The following PAPPA2 variants were observed in gnomAD, a reference collection of about 807,000 sequenced individuals.
PAPPA2 encodes pappalysin 2.
A neutral mutation model predicts 176.4 loss-of-function variants in PAPPA2; 86 were observed. That is an observed-to-expected ratio of 0.49 (90% CI 0.41 to 0.58). The LOEUF (loss-of-function observed/expected upper bound fraction) is 0.58, where lower values mean the gene tolerates loss of function less well. Ranked by LOEUF, PAPPA2 falls within the 20% of genes least tolerant of loss-of-function variation. The pLI is 0.00. For missense variants in PAPPA2, 2,073 were observed against 2,256.9 expected (o/e 0.92, Z 1.65); for synonymous variants, 809 against 852.2 (o/e 0.95, Z 0.88).
At chr1:176,802,699 G>C (rs1217178561) in intron 21 of PAPPA2, among the ~76,000 whole-genome samples, 1 of 152,160 alleles carries the variant, frequency 6.6e-6, no homozygotes, top group Non-Finnish European at 1.5e-5. Flanking sequence ...CCTTGTAAGG[G>C]TGGAGTGCCT....
At position 176,765,704 on chromosome 1, in the gene PAPPA2, C is replaced by G. The variant is rs144502400; in HGVS notation, c.4190C>G (p.Pro1397Arg). The change falls in exon 15 of 23, where the codon CCG becomes CGG. Residue 1397 changes from proline to arginine, a missense_variant. Around this residue, in one of 4 missense-constraint regions of PAPPA2, gnomAD observed 846 missense variants for 857.9 expected, o/e 0.99. Transcript: ENST00000367662. ...CCCTGTGGGAAGCAGGACAGCTGTC[C>G]GTCATTGCTGCTTGATCATGCTGAT... ...HRPCGKQDSC[P>R]SLLLDHADVV... is the part of the protein sequence containing the mutation. 168 of 1,613,914 alleles carry G rather than the reference C, an allele frequency of 1.0e-4. No homozygotes were observed. The highest frequency in any genetic ancestry group is 1.1e-4 in the Non-Finnish European group (134 of 1,180,006).
intron 3 of PAPPA2, among the ~76,000 whole-genome samples, chr1:176,646,341 T>A (rs907244794): frequency 6.6e-6 from 1 of 151,384 alleles, no homozygotes; most frequent in Non-Finnish European, 1.5e-5. Flanking sequence ...AGGCATACAA[T>A]GCATAATAAT....
intron 14 of PAPPA2, among the ~76,000 whole-genome samples, chr1:176,763,666 C>G (rs1037364488): frequency 6.6e-6 from 1 of 152,096 alleles, no homozygotes; most frequent in Non-Finnish European, 1.5e-5. Flanking sequence ...TTAAGAGACA[C>G]TCAGATACTA....
chr1:176,528,404 G>A (rs1649610438), intron 1 of PAPPA2, among the ~76,000 whole-genome samples: 1 of 152,190 alleles, frequency 6.6e-6, no homozygotes, highest in African/African-American at 2.4e-5. Context: ...GCAATGTGAT[G>A]TTTCTTATAC....
intron 1 of PAPPA2, among the ~76,000 whole-genome samples, chr1:176,551,915 GAGGCAGAGATGC>G (rs1358902382): frequency 6.6e-6 from 1 of 152,168 alleles, no homozygotes; most frequent in Non-Finnish European, 1.5e-5. Context: ...GTGGAAGTTG[GAGGCAGAGATGC>G]AGGGAGGGAA....
At chr1:176,682,959 A>G (rs959713325) in intron 4 of PAPPA2, among the ~76,000 whole-genome samples, 2 of 151,908 alleles carry the variant, frequency 1.3e-5, no homozygotes, top group African/African-American at 4.8e-5. Context: ...ATTTTACAGA[A>G]CTGTTTTAGA....
At chr1:176,625,973 T>G (rs1430764636) in intron 3 of PAPPA2, among the ~76,000 whole-genome samples, 1 of 152,128 alleles carries the variant, frequency 6.6e-6, no homozygotes, top group Non-Finnish European at 1.5e-5. Context: ...CAGTCAGCTA[T>G]GACTGTGCCA....
At chr1:176,513,870 A>G (rs1219660283) in intron 1 of PAPPA2, among the ~76,000 whole-genome samples, 2 of 152,188 alleles carry the variant, frequency 1.3e-5, no homozygotes, top group Non-Finnish European at 2.9e-5. Flanking sequence ...AGTTAAAGGC[A>G]GACAGCTGAA....
At position 176,699,466 on chromosome 1, in the gene PAPPA2, C is replaced by T; in HGVS notation, c.3113C>T (p.Ser1038Phe). The part of the protein sequence containing the change: ...RIEIDAALLT[S>F]QPHSPLCSGC... ...GAGATTGATGCAGCACTCCTGACTT[C>T]TCAGCCCCACAGTCCCTTGTGCTCT... The change falls in exon 8 of 23, where the codon TCT (serine) becomes TTT (phenylalanine). Residue 1038 changes from serine (S) to phenylalanine (F), a missense_variant. This residue lies in a region of PAPPA2 where 1,196 missense variants were observed against 1,330.4 expected (regional missense o/e 0.90). Transcript: ENST00000367662. The T allele has an allele frequency of 6.2e-7, 1 of 1,614,108 alleles. No individual in the cohort carries two copies. The highest frequency in any genetic ancestry group is 1.1e-5 in the South Asian group (1 of 91,078).
At chr1:176,510,174 T>C (rs28578993) in intron 1 of PAPPA2, among the ~76,000 whole-genome samples, 12,058 of 152,042 alleles carry the variant, frequency 0.079, 590 homozygotes, top group South Asian at 0.15. Flanking sequence ...CAAAGACAAA[T>C]ATACTAAGAC....
intron 3 of PAPPA2, among the ~76,000 whole-genome samples, chr1:176,641,145 G>C (rs1384786656): frequency 2.0e-5 from 3 of 151,168 alleles, no homozygotes; most frequent in African/African-American, 4.9e-5. Context: ...TAGGTTGCCT[G>C]TTCACTCTGG....
At chr1:176,798,664 T>C (rs1048726146) in intron 20 of PAPPA2, among the ~76,000 whole-genome samples, 2 of 152,254 alleles carry the variant, frequency 1.3e-5, no homozygotes, top group African/African-American at 4.8e-5. Flanking sequence ...TTACTGTTGA[T>C]ATGCAAATGG....
chr1:176,564,084 C>T (rs530117331), intron 2 of PAPPA2, among the ~76,000 whole-genome samples: 2 of 152,166 alleles, frequency 1.3e-5, no homozygotes, highest in Non-Finnish European at 2.9e-5. Flanking sequence ...CCAGTAAAAT[C>T]CTACATATTT....
chr1:176,759,433 T>G (rs1663590173), intron 14 of PAPPA2, among the ~76,000 whole-genome samples: 1 of 152,146 alleles, frequency 6.6e-6, no homozygotes, highest in East Asian at 1.9e-4. Flanking sequence ...GTTCCCCACC[T>G]CCATCACCAT....
At chr1:176,825,525 G>A (rs1666823645) in intron 21 of PAPPA2, among the ~76,000 whole-genome samples, 1 of 152,170 alleles carries the variant, frequency 6.6e-6, no homozygotes, top group Non-Finnish European at 1.5e-5. Context: ...ACTGTGGCAG[G>A]GATGGAGACA....
At chr1:176,687,274 G>C (rs1397185488) in intron 4 of PAPPA2, among the ~76,000 whole-genome samples, 1 of 152,178 alleles carries the variant, frequency 6.6e-6, no homozygotes, top group Admixed American at 6.5e-5. Flanking sequence ...TCTGTGTTGG[G>C]AATGTGCACC....
chr1:176,660,390 T>C (rs1278171320), intron 3 of PAPPA2, among the ~76,000 whole-genome samples: 1 of 151,766 alleles, frequency 6.6e-6, no homozygotes, highest in Non-Finnish European at 1.5e-5. Context: ...CATCAGAAAC[T>C]TTTAGATTTT....
chr1:176,788,487 A>G (rs890811556), intron 17 of PAPPA2, among the ~76,000 whole-genome samples: 1 of 152,248 alleles, frequency 6.6e-6, no homozygotes, highest in Non-Finnish European at 1.5e-5. Flanking sequence ...TATTTGAAAG[A>G]GTCAATGGCC....
At chr1:176,816,253 A>ATATATATATATG (rs1553209488) in intron 21 of PAPPA2, among the ~76,000 whole-genome samples, 5 of 138,144 alleles carry the variant, frequency 3.6e-5, no homozygotes, top group African/African-American at 1.1e-4. Context: ...ATATATATAT[A>ATATATATATATG]TATGTATGTA....
Sources: gnomAD v4.1 joint callset for allele counts (sites outside exome capture counted in the v4.1 genomes callset) on GRCh38, gnomAD v4.1.1 for gene constraint, gnomAD v4.1.1 regional missense constraint, MANE v1.5 for transcripts, NCBI Gene and HGNC (gene_info 2026-07-23, HGNC 2026-07-21) for gene names.